Variants in HEMK2 observed in about 807,000 individuals in gnomAD.
The protein encoded by HEMK2 is methyltransferase HEMK2.
chr21:28,688,331 C>T, the HEMK2 span, among the ~76,000 whole-genome samples: 1 of 152,168 alleles, frequency 6.6e-6, no homozygotes, highest in Non-Finnish European at 1.5e-5. Context: ...ACAACATAAA[C>T]TCAGATTTTT....
At chr21:28,876,923 A>G in the HEMK2 span, among the ~76,000 whole-genome samples, 1 of 150,530 alleles carries the variant, frequency 6.6e-6, no homozygotes, top group Non-Finnish European at 1.5e-5. Flanking sequence ...TTTCAGGCAT[A>G]TTGAAAAAAG....
At chr21:28,678,899 A>G in the HEMK2 span, among the ~76,000 whole-genome samples, 1 of 152,226 alleles carries the variant, frequency 6.6e-6, no homozygotes, top group Non-Finnish European at 1.5e-5. Flanking sequence ...AGGAAGCACT[A>G]AACATGGAAA....
the HEMK2 span, among the ~76,000 whole-genome samples, chr21:28,661,738 T>G: frequency 1.3e-5 from 2 of 152,202 alleles, no homozygotes; most frequent in South Asian, 4.1e-4. Flanking sequence ...AGAAACGTTC[T>G]GTATCTCCAC....
chr21:28,653,990 T>C, the HEMK2 span, among the ~76,000 whole-genome samples: 2 of 152,222 alleles, frequency 1.3e-5, no homozygotes, highest in African/African-American at 2.4e-5. Flanking sequence ...CTAACCTATA[T>C]GCAAACTGTG....
At chr21:28,684,701 G>C in the HEMK2 span, among the ~76,000 whole-genome samples, 1 of 152,116 alleles carries the variant, frequency 6.6e-6, no homozygotes, top group Non-Finnish European at 1.5e-5. Context: ...CACGTGAATG[G>C]GGGATGCACA....
At chr21:28,722,401 A>T in the HEMK2 span, among the ~76,000 whole-genome samples, 1 of 152,240 alleles carries the variant, frequency 6.6e-6, no homozygotes, top group Non-Finnish European at 1.5e-5. Flanking sequence ...AAATGTGCTA[A>T]ATAAACAGAC....
chr21:28,591,627 G>A, the HEMK2 span, among the ~76,000 whole-genome samples: 1 of 152,064 alleles, frequency 6.6e-6, no homozygotes, highest in Non-Finnish European at 1.5e-5. Context: ...GGAGTTTGTT[G>A]TACAGATTTT....
chr21:28,589,228 T>C, the HEMK2 span, among the ~76,000 whole-genome samples: 67 of 152,284 alleles, frequency 4.4e-4, no homozygotes, highest in Non-Finnish European at 8.1e-4. Context: ...TGTATTATTC[T>C]GTATTGAGGT....
At chr21:28,791,886 T>G in the HEMK2 span, among the ~76,000 whole-genome samples, 3 of 151,988 alleles carry the variant, frequency 2.0e-5, no homozygotes, top group Non-Finnish European at 4.4e-5. Context: ...TTGGCAGGAC[T>G]GTTATCACAA....
chr21:28,878,235 T>G, the HEMK2 span: 9 of 1,601,188 alleles, frequency 5.6e-6, no homozygotes, highest in Non-Finnish European at 6.0e-6. Flanking sequence ...ATAATCCTCT[T>G]GGTGAAAGGA....
chr21:28,702,175 C>T, the HEMK2 span, among the ~76,000 whole-genome samples: 1 of 151,896 alleles, frequency 6.6e-6, no homozygotes, highest in Non-Finnish European at 1.5e-5. Context: ...TATACAAAAA[C>T]CAACTCAAGA....
chr21:28,741,938 G>A, the HEMK2 span, among the ~76,000 whole-genome samples: 3 of 152,098 alleles, frequency 2.0e-5, no homozygotes, highest in Non-Finnish European at 4.4e-5. Flanking sequence ...GGGATTGCTG[G>A]GTCAAATGGT....
the HEMK2 span, among the ~76,000 whole-genome samples, chr21:28,684,405 C>A: frequency 6.6e-6 from 1 of 152,180 alleles, no homozygotes; most frequent in Non-Finnish European, 1.5e-5. Flanking sequence ...AAACAAACTT[C>A]ATTAGTAATA....
At chr21:28,863,627 A>G in the HEMK2 span, among the ~76,000 whole-genome samples, 3 of 151,566 alleles carry the variant, frequency 2.0e-5, no homozygotes, top group Non-Finnish European at 4.4e-5. Context: ...TACTTTCTCT[A>G]GAAGGAAAAA....
the HEMK2 span, chr21:28,882,107 G>A: frequency 7.2e-7 from 1 of 1,394,432 alleles, no homozygotes; most frequent in Admixed American, 2.3e-5. Context: ...TTGACCTAAA[G>A]CATCTTAACT....
chr21:28,826,235 G>A, the HEMK2 span, among the ~76,000 whole-genome samples: 1 of 152,148 alleles, frequency 6.6e-6, no homozygotes, highest in Admixed American at 6.6e-5. Context: ...CTCATTGTAA[G>A]TATAGCCTTA....
chr21:28,856,232 T>G, the HEMK2 span, among the ~76,000 whole-genome samples: 2 of 152,116 alleles, frequency 1.3e-5, no homozygotes, highest in Non-Finnish European at 2.9e-5. Context: ...CTGGCAAACA[T>G]GGTGAAACCC....
the HEMK2 span, among the ~76,000 whole-genome samples, chr21:28,665,387 A>ATTTTT: frequency 6.9e-5 from 1 of 14,414 alleles, no homozygotes; most frequent in South Asian, 3.9e-3. Context: ...TTTTTTTTTA[A>ATTTTT]TTTTTTTTTT....
At chr21:28,810,775 T>A in the HEMK2 span, among the ~76,000 whole-genome samples, 1 of 152,164 alleles carries the variant, frequency 6.6e-6, no homozygotes, top group African/African-American at 2.4e-5. Flanking sequence ...CTGTGGTGAT[T>A]TCCCTTCAGA....
Sources: allele counts gnomAD v4.1 joint callset (sites outside exome capture counted in the v4.1 genomes callset), GRCh38; gene constraint gnomAD v4.1.1; transcripts MANE v1.5; gene names NCBI Gene and HGNC (gene_info 2026-07-23, HGNC 2026-07-21).